ZNF296: variants seen among roughly 807,000 people sequenced by gnomAD.
The protein encoded by ZNF296 is zinc finger protein 342.
ZNF296 carries 1 observed loss-of-function variant against 13.2 expected under a neutral mutation model. That is an observed-to-expected ratio of 0.08 (90% CI 0.03 to 0.36). ZNF296 has a LOEUF of 0.36. ZNF296 is among the 10% of genes least tolerant of loss of function. ZNF296 has a pLI of 0.99. For missense variants in ZNF296, 555 were observed against 688.2 expected (o/e 0.81, Z 2.16); for synonymous variants, 303 against 289.0 (o/e 1.05, Z -0.49).
chr19:45,076,327 G>T lies in ZNF296; in HGVS notation c.47C>A (p.Ala16Glu). ...CTCGTCGTCTGGGTTGGCGGCGGGC[G>T]CGGGCTCTACTCGGCGGGGCGCGCT... The part of the protein sequence containing the change: ...AGSAPRRVEP[A>E]PAANPDDEME... Residue 16 changes from alanine (A) to glutamate (E), a missense_variant, in exon 1 of 3, where the codon GCG becomes GAG. Around this residue, in one of 3 missense-constraint regions of ZNF296, gnomAD observed 137 missense variants for 121.9 expected, o/e 1.12. Coordinates refer to ENST00000303809, the MANE Select transcript of ZNF296 (RefSeq NM_145288.3). This position sits in a 1 kb window ranked among gnomAD's most constrained non-coding sequence, Gnocchi z 4.9. 7.1e-7 allele frequency: 1 copy of T among 1,406,506 alleles called. No homozygotes were observed. The highest frequency in any genetic ancestry group is 9.3e-7 in the Non-Finnish European group (1 of 1,077,384). The allele number at this position is 1,406,506 out of a possible 1,614,324, so 87.1% of individuals were successfully genotyped here.
chr19:45,074,245 C>T (rs1192290226), intron 2 of ZNF296, among the ~76,000 whole-genome samples: 1 of 151,694 alleles, frequency 6.6e-6, no homozygotes, highest in Non-Finnish European at 1.5e-5. Flanking sequence ...CCTGTAGTCC[C>T]AGCTACTTGG....
chr19:45,072,411 C>T lies in ZNF296; in HGVS notation c.618G>A (p.Val206=). ...CAGCTGCTGGCCCCACCACTGCCGA[C>T]ACGGCTGCAGCCACCTCGGCCAGGC... The part of the protein sequence containing the change: ...LLGLAEVAAA[V]SAVVGPAAEA... The change falls in exon 3 of 3, where the codon GTG becomes GTA. Residue 206 remains valine (V), a synonymous_variant. Coordinates refer to ENST00000303809, the MANE Select transcript of ZNF296 (RefSeq NM_145288.3). The T allele has an allele frequency of 6.2e-7, 1 of 1,612,592 alleles. No homozygotes were observed. The highest frequency in any genetic ancestry group is 8.5e-7 in the Non-Finnish European group (1 of 1,179,734).
chr19:45,073,439 C>T (rs556978872), intron 2 of ZNF296, among the ~76,000 whole-genome samples: 1 of 149,420 alleles, frequency 6.7e-6, no homozygotes, highest in African/African-American at 2.5e-5. Flanking sequence ...GGCGCGATCT[C>T]GGCTCACTGC....
In ZNF296 at chr19:45,072,317, TCTTGCA is replaced by T; in HGVS notation, c.706_711del (p.Cys236_Lys237del). The T allele has an allele frequency of 6.2e-7, 1 of 1,613,240 alleles. No individual in the cohort carries two copies. Among genetic ancestry groups the T allele is most frequent in the Non-Finnish European group, 8.5e-7 (1 of 1,179,912 alleles). On this transcript the variant is annotated inframe_deletion, in exon 3 of 3. Transcript: ENST00000303809. ...AGGTTGCTGAAGGAGCTGAGGGTCT[TCTTGCA>T]CACAGGACAGGTGGGGCTCCGCCGG...
Position 45,076,001 on chromosome 19 carries a change from C to T in ZNF296, c.298+75G>A. 2 of 1,566,948 alleles carry T rather than the reference C, an allele frequency of 1.3e-6. No homozygotes were observed. The highest frequency in any genetic ancestry group is 1.7e-6 in the Non-Finnish European group (2 of 1,159,396). ...GAAGGAGATAAGGCAGGGCGAGGGG[C>T]CCATGCCCAAAGGGAAGGGTCCCAC... On this transcript the variant is annotated intron_variant, in intron 1 of 2. Transcript: ENST00000303809. The surrounding 1 kb of genome is among the most constrained non-coding windows in gnomAD (Gnocchi z 4.9).
At chr19:45,074,795 C>T (rs1168957378) in intron 2 of ZNF296, among the ~76,000 whole-genome samples, 1 of 152,174 alleles carries the variant, frequency 6.6e-6, no homozygotes, top group Non-Finnish European at 1.5e-5. Flanking sequence ...AACAGCAGAG[C>T]CTGTGAAACC....
rs1967353525 is a variant in ZNF296 at position 45,076,395 on chromosome 19, A to G, written c.-22T>C. 4.0e-6 allele frequency: 5 copies of G among 1,250,094 alleles called. No homozygotes were observed. Among genetic ancestry groups the G allele is most frequent in the Non-Finnish European group, 5.0e-6 (5 of 997,286 alleles). 77.4% of individuals were successfully genotyped at this position (1,250,094 alleles called of 1,614,324 possible). A position where few individuals can be genotyped will look rare whatever the true frequency, so the allele number is the denominator to read the frequency against. On this transcript the variant is annotated 5_prime_UTR_variant, in exon 1 of 3. Coordinates refer to ENST00000303809, the MANE Select transcript of ZNF296 (RefSeq NM_145288.3). The surrounding 1 kb of genome is among the most constrained non-coding windows in gnomAD (Gnocchi z 4.9). Reference sequence around the variant, plus strand: ...ACATGAGTCGCGGGCCGGGCGAGCGAGCGGGCGGGCAGGCAGGCAGGCGGG... The same window carrying G: ...ACATGAGTCGCGGGCCGGGCGAGCGGGCGGGCGGGCAGGCAGGCAGGCGGG...
rs375789817 is a variant in ZNF296 at position 45,071,896 on chromosome 19, C to G, written c.1133G>C (p.Gly378Ala). ...KASPKKMPKS[G>A]GKSRGPGGSC... ...GCCCCCGGGCCCGCGGCTCTTGCCC[C>G]CTGACTTGGGCATCTTTTTGGGTGA... Residue 378 changes from glycine (G) to alanine (A), a missense_variant, in exon 3 of 3, where the codon GGG becomes GCG. Gly to Ala is a moderately conservative substitution (Grantham distance 60). Around this residue, in one of 3 missense-constraint regions of ZNF296, gnomAD observed 410 missense variants for 548.0 expected, o/e 0.75. Transcript: ENST00000303809. 1 of 1,613,464 alleles carries G rather than the reference C, an allele frequency of 6.2e-7. No individual in the cohort carries two copies. The highest frequency in any genetic ancestry group is 8.5e-7 in the Non-Finnish European group (1 of 1,180,010).
Position 45,071,877 on chromosome 19 carries a change from G to A in ZNF296, c.1152C>T (p.Pro384=), listed in dbSNP as rs761150755. Residue 384 remains proline, a synonymous_variant, in exon 3 of 3, where the codon CCC becomes CCT. Transcript: ENST00000303809. ...TCCCGCAGAACTCACAGCTGCCCCC[G>A]GGCCCGCGGCTCTTGCCCCCTGACT... ...MPKSGGKSRG[P]GGSCEFCGKH... 13 of 1,613,080 alleles carry A rather than the reference G, an allele frequency of 8.1e-6. No homozygotes were observed. Among genetic ancestry groups the A allele is most frequent in the Admixed American group, 3.3e-5 (2 of 60,010 alleles).
rs541784192 is a variant in ZNF296, at chr19:45,075,550, C to A, written c.448+163G>T. 2.8e-5 allele frequency among the ~76,000 whole-genome samples: 4 copies of A among 144,688 alleles called. No individual in the cohort carries two copies. In the South Asian group the frequency reaches 8.7e-4, roughly 32 times the overall value. The allele number at this position is 144,688 out of a possible 152,430, so 94.9% of individuals were successfully genotyped here. ...CCCCCCCTCCACCGCCACCACTGGT[C>A]CCTGCCCTAGGACGGGCAGGCCCTG... On this transcript the variant is annotated intron_variant, in intron 2 of 2. Transcript: ENST00000303809.
In ZNF296 at chr19:45,072,328, G is replaced by A. The variant is rs1212445388; in HGVS notation, c.701C>T (p.Pro234Leu). The A allele has an allele frequency of 6.2e-7, 1 of 1,612,884 alleles. No homozygotes were observed. The highest frequency in any genetic ancestry group is 8.5e-7 in the Non-Finnish European group (1 of 1,179,936). The change falls in exon 3 of 3, where the codon CCT becomes CTT. Residue 234 changes from proline to leucine, a missense_variant. Pro to Leu is a moderately conservative substitution (Grantham distance 98). Transcript: ENST00000303809. ...GGAGCTGAGGGTCTTCTTGCACACA[G>A]GACAGGTGGGGCTCCGCCGGGTGAG... ...SGLTRRSPTC[P>L]VCKKTLSSFS...
Position 45,076,103 on chromosome 19 carries a change from A to C in ZNF296, c.271T>G (p.Trp91Gly). ...ALGPRNPWTL[W>G]TPLTPNYPDR... is the part of the protein sequence containing the mutation. ...GGATAGTTCGGGGTCAACGGCGTCCACAGGGTCCACGGGTTCCGCGGGCCG... is the reference window on the plus strand; with the variant it reads ...GGATAGTTCGGGGTCAACGGCGTCCCCAGGGTCCACGGGTTCCGCGGGCCG... Residue 91 changes from tryptophan to glycine, a missense_variant, in exon 1 of 3, where the codon TGG (tryptophan) becomes GGG (glycine). Around this residue, in one of 3 missense-constraint regions of ZNF296, gnomAD observed 137 missense variants for 121.9 expected, o/e 1.12. Coordinates refer to ENST00000303809, the MANE Select transcript of ZNF296 (RefSeq NM_145288.3). The surrounding 1 kb of genome is among the most constrained non-coding windows in gnomAD (Gnocchi z 4.9). The C allele has an allele frequency of 6.3e-7, 1 of 1,582,026 alleles. No homozygotes were observed. Among genetic ancestry groups the C allele is most frequent in the Non-Finnish European group, 8.6e-7 (1 of 1,169,276 alleles).
rs933412800 is a variant in ZNF296 at position 45,071,799 on chromosome 19, C to T, written c.1230G>A (p.Gly410=). The T allele has an allele frequency of 8.7e-6, 14 of 1,612,270 alleles. No individual in the cohort carries two copies. Among genetic ancestry groups the T allele is most frequent in the East Asian group, 2.2e-5 (1 of 44,660 alleles). ...AGAACTCACAGGTGTAGGGGCGCTC[C>T]CCGGTGTGTGAGCGCCGGTGCACCG... The part of the protein sequence containing the change: ...NLTVHRRSHT[G]ERPYTCEFCN... Residue 410 remains glycine, a synonymous_variant, in exon 3 of 3, where the codon GGG becomes GGA. Coordinates refer to ENST00000303809, the MANE Select transcript of ZNF296 (RefSeq NM_145288.3).
intron 1 of ZNF296, 81 bp from the exon 2 acceptor site, chr19:45,075,943 G>A: frequency 6.3e-7 from 1 of 1,594,490 alleles, no homozygotes; most frequent in Non-Finnish European, 8.6e-7. Flanking sequence ...GGAAACCGAA[G>A]GTCAGAAGGG....
At position 45,072,178 on chromosome 19, in the gene ZNF296, A is replaced by T; in HGVS notation, c.851T>A (p.Val284Glu). ...LNRHKKTHRQ[V>E]PPQSPLMADT... Reference sequence around the variant, plus strand: ...GGCCATGAGGGGGCTCTGGGGCGGCACCTGCCGGTGGGTCTTCTTGTGGCG... The same window carrying T: ...GGCCATGAGGGGGCTCTGGGGCGGCTCCTGCCGGTGGGTCTTCTTGTGGCG... Residue 284 changes from valine to glutamate, a missense_variant, in exon 3 of 3, where the codon GTG becomes GAG. This residue lies in a region of ZNF296 where 410 missense variants were observed against 548.0 expected (regional missense o/e 0.75). Coordinates refer to ENST00000303809, the MANE Select transcript of ZNF296 (RefSeq NM_145288.3). 6.3e-7 allele frequency: 1 copy of T among 1,596,708 alleles called. No individual in the cohort carries two copies. Among genetic ancestry groups the T allele is most frequent in the South Asian group, 1.1e-5 (1 of 89,046 alleles).
Position 45,076,159 on chromosome 19 carries a change from G to A in ZNF296, c.215C>T (p.Pro72Leu), listed in dbSNP as rs751994978. The change falls in exon 1 of 3, where the codon CCC becomes CTC. Residue 72 changes from proline to leucine, a missense_variant. This residue lies in a region of ZNF296 where 137 missense variants were observed against 121.9 expected (regional missense o/e 1.12). Transcript: ENST00000303809. This position sits in a 1 kb window ranked among gnomAD's most constrained non-coding sequence, Gnocchi z 4.9. ...GAGGAGGGCGGCCCCGGCGGGCATG[G>A]GGCCAGGGGAGTGGTGGGGTTCGCC... ...FGGEPHHSPG[P>L]MPAGAALLAL... The A allele has an allele frequency of 1.1e-4, 163 of 1,532,398 alleles. 1 individual carries two copies. Among genetic ancestry groups the A allele is most frequent in the Middle Eastern group, 3.7e-4 (2 of 5,340 alleles). The allele number at this position is 1,532,398 out of a possible 1,614,324, so 94.9% of individuals were successfully genotyped here.
Position 45,072,504 on chromosome 19 carries a change from G to A in ZNF296, c.525C>T (p.His175=), listed in dbSNP as rs140362077. ...QFTVAWKLLR[H]AQWDHGLSIY... ...TGGACAGTCCGTGGTCCCACTGGGC[G>A]TGACGCAGCAGCTTCCAGGCCACTG... The change falls in exon 3 of 3, where the codon CAC becomes CAT. Residue 175 remains histidine, a synonymous_variant. Transcript: ENST00000303809. The A allele has an allele frequency of 7.0e-5, 113 of 1,613,744 alleles. No individual in the cohort carries two copies. The African/African-American group carries it at 1.3e-3, about 18-fold the overall frequency.
Position 45,076,395 on chromosome 19 carries a change from A to AGCGGGCGGGCAGGCAGGCAG in ZNF296, c.-42_-23dup, listed in dbSNP as rs1555735040. ...ACATGAGTCGCGGGCCGGGCGAGCG[A>AGCGGGCGGGCAGGCAGGCAG]GCGGGCGGGCAGGCAGGCAGGCGGG... On this transcript the variant is annotated 5_prime_UTR_variant, in exon 1 of 3. Coordinates refer to ENST00000303809, the MANE Select transcript of ZNF296 (RefSeq NM_145288.3). The surrounding 1 kb of genome is among the most constrained non-coding windows in gnomAD (Gnocchi z 4.9). 55 of 1,249,986 alleles carry AGCGGGCGGGCAGGCAGGCAG rather than the reference A, an allele frequency of 4.4e-5. No homozygotes were observed. Among genetic ancestry groups the AGCGGGCGGGCAGGCAGGCAG allele is most frequent in the Non-Finnish European group, 3.6e-5 (36 of 997,296 alleles). 77.4% of individuals were successfully genotyped at this position (1,249,986 alleles called of 1,614,324 possible).
intron 2 of ZNF296, among the ~76,000 whole-genome samples, chr19:45,074,121 G>A (rs1177689698): frequency 1.3e-5 from 2 of 152,090 alleles, no homozygotes; most frequent in Non-Finnish European, 2.9e-5. Context: ...CACTTCAGGA[G>A]GCCAAGGCAG....
Sources: allele counts gnomAD v4.1 joint callset (sites outside exome capture counted in the v4.1 genomes callset), GRCh38; gene constraint gnomAD v4.1.1; regional missense constraint gnomAD v4.1.1; non-coding constraint Gnocchi (gnomAD v3.1); transcripts MANE v1.5; gene names NCBI Gene and HGNC (gene_info 2026-07-23, HGNC 2026-07-21).